ATRNL1: variants seen among roughly 807,000 people sequenced by gnomAD.
ATRNL1 encodes attractin-like protein 1.
ATRNL1 carries 95 observed loss-of-function variants against 182.7 expected under a neutral mutation model. The ratio of observed to expected loss-of-function variants is 0.52; its 90% CI spans 0.44 to 0.62. The LOEUF (loss-of-function observed/expected upper bound fraction) is 0.62. ATRNL1 is among the 20% of genes least tolerant of loss of function. The probability of loss-of-function intolerance (pLI) is 0.00; values close to 1 mark genes in which losing one functional copy is unlikely to be tolerated. For missense variants in ATRNL1, 1,471 were observed against 1,679.5 expected (o/e 0.88, Z 2.17); for synonymous variants, 576 against 568.3 (o/e 1.01, Z -0.19).
chr10:115,148,532 A>C (rs945779399), intron 5 of ATRNL1, among the ~76,000 whole-genome samples: 1 of 152,060 alleles, frequency 6.6e-6, no homozygotes. Context: ...TTAGAGAAAA[A>C]GCTTTTGGTT....
In ATRNL1 at chr10:115,160,063, C is replaced by T. The variant is rs782085376; in HGVS notation, c.853C>T (p.Pro285Ser). The change falls in exon 6 of 29, where the codon CCC becomes TCC. Residue 285 changes from proline to serine, a missense_variant. Physicochemically the swap from Pro to Ser is moderately conservative, Grantham distance 74. This residue lies in a region of ATRNL1 where 1,031 missense variants were observed against 1,156.0 expected (regional missense o/e 0.89). Transcript: ENST00000355044. ...WQGPDCSLNV[P>S]STESYWILPN... ...AGGTCCTGATTGTTCTTTGAATGTT[C>T]CCTCTACTGAGTCTTACTGGATTCT... The T allele has an allele frequency of 6.2e-7, 1 of 1,605,950 alleles. No homozygotes were observed.
chr10:115,273,867 A>T (rs536659950), intron 13 of ATRNL1, among the ~76,000 whole-genome samples: 1 of 152,152 alleles, frequency 6.6e-6, no homozygotes, highest in Non-Finnish European at 1.5e-5. Context: ...GAGCCTGATC[A>T]TGTATATACC....
At chr10:115,555,461 C>T (rs530099310) in intron 26 of ATRNL1, among the ~76,000 whole-genome samples, 5 of 151,506 alleles carry the variant, frequency 3.3e-5, no homozygotes, top group South Asian at 4.2e-4. Flanking sequence ...CAAAAAGATT[C>T]GAGAAAGAAA....
At chr10:115,139,179 T>C (rs1014864312) in intron 5 of ATRNL1, among the ~76,000 whole-genome samples, 6 of 152,244 alleles carry the variant, frequency 3.9e-5, no homozygotes, top group South Asian at 2.1e-4. Flanking sequence ...GTCAAAGTCA[T>C]TCGACAAGTC....
At position 115,685,196 on chromosome 10, in the gene ATRNL1, CAT is replaced by C. The variant is rs375496886; in HGVS notation, c.3796-42050_3796-42049del. On this transcript the variant is annotated intron_variant, in intron 26 of 28. Transcript: ENST00000355044. ...GATGTCTTCCACAAAATTATTATAA[CAT>C]AGTGATGTTTGAGATTTTAAAAATA... is the stretch of plus-strand genomic sequence containing the variant. Among the ~76,000 whole-genome samples the C allele has an allele frequency of 1.4e-4, 21 of 151,812 alleles. No homozygotes were observed. In the East Asian group the frequency reaches 3.7e-3, roughly 27 times the overall value.
chr10:115,665,529 G>A (rs1860949366), intron 26 of ATRNL1, among the ~76,000 whole-genome samples: 1 of 152,114 alleles, frequency 6.6e-6, no homozygotes, highest in African/African-American at 2.4e-5. Context: ...AGATGACGAG[G>A]AGGAAGAAGA....
intron 26 of ATRNL1, among the ~76,000 whole-genome samples, chr10:115,710,550 C>A (rs1185717688): frequency 6.6e-6 from 1 of 152,062 alleles, no homozygotes; most frequent in African/African-American, 2.4e-5. Context: ...GTGATCCATT[C>A]TTGATTTGCT....
At chr10:115,599,640 G>A (rs541901652) in intron 26 of ATRNL1, among the ~76,000 whole-genome samples, 1 of 152,180 alleles carries the variant, frequency 6.6e-6, no homozygotes, top group East Asian at 1.9e-4. Context: ...ACCTATCATT[G>A]CTTTTTCACC....
intron 27 of ATRNL1, among the ~76,000 whole-genome samples, chr10:115,809,925 A>G (rs1181305647): frequency 1.3e-5 from 2 of 151,892 alleles, no homozygotes; most frequent in Non-Finnish European, 2.9e-5. Context: ...TGTTAACTTC[A>G]GGTTTTGTAA....
chr10:115,194,619 TGTAGTGGG>T (rs1476366550), intron 8 of ATRNL1, among the ~76,000 whole-genome samples: 3 of 151,854 alleles, frequency 2.0e-5, no homozygotes, highest in Non-Finnish European at 4.4e-5. Context: ...CTAGGCAGCA[TGTAGTGGG>T]GTCTTATTTT....
chr10:115,323,400 T>A (rs61880843), intron 18 of ATRNL1, among the ~76,000 whole-genome samples: 26,237 of 134,802 alleles, frequency 0.19, 3,465 homozygotes, highest in Non-Finnish European at 0.29. Context: ...AGGCATGATT[T>A]CTCCCTCCCC....
intron 25 of ATRNL1, among the ~76,000 whole-genome samples, chr10:115,546,095 G>A (rs763543621): frequency 4.9e-4 from 74 of 152,150 alleles, no homozygotes; most frequent in Non-Finnish European, 4.6e-4. Context: ...TTACTCAATA[G>A]ATGTTAGTTG....
At chr10:115,214,068 A>ACACC (rs1849135553) in intron 8 of ATRNL1, among the ~76,000 whole-genome samples, 2 of 145,004 alleles carry the variant, frequency 1.4e-5, no homozygotes, top group African/African-American at 5.6e-5. Context: ...ACACACACAC[A>ACACC]TATATATAAA....
chr10:115,899,039 T>C (rs951337458), intron 28 of ATRNL1, among the ~76,000 whole-genome samples: 21 of 151,952 alleles, frequency 1.4e-4, no homozygotes, highest in African/African-American at 5.1e-4. Flanking sequence ...ACATGTGCCA[T>C]GTTGGTGTGC....
chr10:115,539,473 G>A (rs1236155968), intron 25 of ATRNL1, among the ~76,000 whole-genome samples: 1 of 152,178 alleles, frequency 6.6e-6, no homozygotes, highest in African/African-American at 2.4e-5. Context: ...CAAAGTACTG[G>A]TGAACCATCT....
At chr10:115,372,280 A>T (rs144654147) in intron 19 of ATRNL1, among the ~76,000 whole-genome samples, 1 of 152,178 alleles carries the variant, frequency 6.6e-6, no homozygotes, top group Non-Finnish European at 1.5e-5. Context: ...TCATCCAGGT[A>T]TATGATTTGA....
chr10:115,540,405 T>G (rs942234279), intron 25 of ATRNL1, among the ~76,000 whole-genome samples: 20 of 152,058 alleles, frequency 1.3e-4, no homozygotes, highest in Non-Finnish European at 4.4e-5. Flanking sequence ...ATATCAACAT[T>G]ATTTATAAAT....
At chr10:115,622,101 T>G (rs1183821610) in intron 26 of ATRNL1, among the ~76,000 whole-genome samples, 5 of 152,208 alleles carry the variant, frequency 3.3e-5, no homozygotes, top group Non-Finnish European at 5.9e-5. Flanking sequence ...CTTCTGACTC[T>G]AGATATGTCA....
intron 19 of ATRNL1, among the ~76,000 whole-genome samples, chr10:115,376,500 G>A (rs1399294814): frequency 6.6e-6 from 1 of 151,646 alleles, no homozygotes; most frequent in Non-Finnish European, 1.5e-5. Context: ...CTAGGACTAC[G>A]GATGCATGCT....
Sources: gnomAD v4.1 joint callset for allele counts (sites outside exome capture counted in the v4.1 genomes callset) on GRCh38, gnomAD v4.1.1 for gene constraint, gnomAD v4.1.1 regional missense constraint, MANE v1.5 for transcripts, NCBI Gene and HGNC (gene_info 2026-07-23, HGNC 2026-07-21) for gene names.